The following PDZRN4 variants were observed in gnomAD, a reference collection of about 807,000 sequenced individuals.
PDZRN4 encodes PDZ domain-containing RING finger protein 4.
PDZRN4 carries 70 observed loss-of-function variants against 99.0 expected under a neutral mutation model. That is an observed-to-expected ratio of 0.71 (90% CI 0.58 to 0.86). The LOEUF (loss-of-function observed/expected upper bound fraction) is 0.86, where lower values mean the gene tolerates loss of function less well. Among genes scored for constraint, PDZRN4 ranks in the 40% least tolerant of loss-of-function variants. The pLI, the probability that PDZRN4 is intolerant of heterozygous loss-of-function variation, is 0.00. For synonymous variants in PDZRN4, 551 were observed against 501.6 expected (o/e 1.10, Z -1.32); for missense variants, 1,474 against 1,331.2 (o/e 1.11, Z -1.67).
chr12:41,462,067 T>A (rs764381722), intron 3 of PDZRN4, among the ~76,000 whole-genome samples: 66 of 152,236 alleles, frequency 4.3e-4, no homozygotes, highest in Non-Finnish European at 9.1e-4. Flanking sequence ...CTATGCGATA[T>A]CTATCTCTTC....
chr12:41,431,874 T>C (rs1417849698), intron 3 of PDZRN4, among the ~76,000 whole-genome samples: 4 of 152,220 alleles, frequency 2.6e-5, no homozygotes, highest in Non-Finnish European at 5.9e-5. Context: ...GAAGCATCTT[T>C]CTAAATTCAT....
intron 3 of PDZRN4, among the ~76,000 whole-genome samples, chr12:41,214,290 A>G (rs934480508): frequency 7.5e-5 from 11 of 146,368 alleles, no homozygotes; most frequent in African/African-American, 2.8e-4. Flanking sequence ...TTAACCAGGC[A>G]TGGTGGTACA....
At chr12:41,270,517 A>C (rs1025449766) in intron 3 of PDZRN4, among the ~76,000 whole-genome samples, 1 of 152,158 alleles carries the variant, frequency 6.6e-6, no homozygotes, top group Non-Finnish European at 1.5e-5. Flanking sequence ...TTCTTTAAAA[A>C]AATCATGTTT....
At chr12:41,229,333 C>T (rs919335655) in intron 3 of PDZRN4, among the ~76,000 whole-genome samples, 3 of 151,864 alleles carry the variant, frequency 2.0e-5, no homozygotes, top group Non-Finnish European at 4.4e-5. Flanking sequence ...AAACAGAGTG[C>T]CAGACAGGAT....
At chr12:41,524,231 T>G (rs1251975537) in intron 5 of PDZRN4, among the ~76,000 whole-genome samples, 8 of 152,148 alleles carry the variant, frequency 5.3e-5, no homozygotes, top group Admixed American at 6.6e-5. Flanking sequence ...TGGAAAGACA[T>G]CTCATGTTCC....
intron 3 of PDZRN4, among the ~76,000 whole-genome samples, chr12:41,310,295 G>C (rs1454872581): frequency 6.6e-6 from 1 of 151,930 alleles, no homozygotes; most frequent in African/African-American, 2.4e-5. Flanking sequence ...TATATTTAAA[G>C]TGTTACAAAA....
At chr12:41,507,232 A>G (rs897009807) in intron 4 of PDZRN4, among the ~76,000 whole-genome samples, 8 of 152,148 alleles carry the variant, frequency 5.3e-5, no homozygotes, top group Non-Finnish European at 1.2e-4. Flanking sequence ...AGATATAAAC[A>G]AAGGATCTTG....
At chr12:41,265,678 G>T (rs1028702884) in intron 3 of PDZRN4, among the ~76,000 whole-genome samples, 1 of 152,128 alleles carries the variant, frequency 6.6e-6, no homozygotes, top group African/African-American at 2.4e-5. Flanking sequence ...CTAGACAAAG[G>T]CCATTCACAC....
chr12:41,375,223 C>T (rs1348349238), intron 3 of PDZRN4, among the ~76,000 whole-genome samples: 2 of 152,158 alleles, frequency 1.3e-5, no homozygotes, highest in African/African-American at 2.4e-5. Context: ...TCTCAGACCC[C>T]TTACTCTCAG....
At chr12:41,548,806 T>C (rs1346401825) in intron 5 of PDZRN4, among the ~76,000 whole-genome samples, 1 of 152,202 alleles carries the variant, frequency 6.6e-6, no homozygotes, top group African/African-American at 2.4e-5. Context: ...AATATAAAAA[T>C]TTCACACCGC....
intron 3 of PDZRN4, among the ~76,000 whole-genome samples, chr12:41,316,094 A>G (rs1370867325): frequency 1.3e-5 from 2 of 152,176 alleles, no homozygotes; most frequent in African/African-American, 4.8e-5. Flanking sequence ...TAAAACAGGT[A>G]GAACTGTAAC....
intron 3 of PDZRN4, among the ~76,000 whole-genome samples, chr12:41,364,106 CAAGGAT>C (rs1951981042): frequency 6.6e-6 from 1 of 151,986 alleles, no homozygotes; most frequent in South Asian, 2.1e-4. Context: ...TGCCCTCTGA[CAAGGAT>C]AAGGCATTTG....
intron 3 of PDZRN4, among the ~76,000 whole-genome samples, chr12:41,491,785 C>T (rs1467598047): frequency 1.3e-5 from 2 of 152,092 alleles, no homozygotes; most frequent in Non-Finnish European, 2.9e-5. Flanking sequence ...AATACATTAT[C>T]ATGTATTAAA....
intron 3 of PDZRN4, among the ~76,000 whole-genome samples, chr12:41,229,962 A>G (rs1215274396): frequency 6.6e-6 from 1 of 152,062 alleles, no homozygotes; most frequent in Non-Finnish European, 1.5e-5. Flanking sequence ...AGTTTCCACA[A>G]GCGGCTTTTG....
intron 3 of PDZRN4, among the ~76,000 whole-genome samples, chr12:41,227,746 T>C (rs908990427): frequency 2.0e-5 from 3 of 152,010 alleles, no homozygotes; most frequent in African/African-American, 7.2e-5. Flanking sequence ...ATGAGATATA[T>C]GCTGTTTGGT....
intron 2 of PDZRN4, among the ~76,000 whole-genome samples, chr12:41,192,008 C>T (rs1012488281): frequency 1.3e-5 from 2 of 151,828 alleles, no homozygotes; most frequent in Non-Finnish European, 1.5e-5. Flanking sequence ...GTTTTGAACT[C>T]CTCACCCCAA....
intron 3 of PDZRN4, among the ~76,000 whole-genome samples, chr12:41,401,583 G>T (rs1057292129): frequency 1.3e-5 from 2 of 151,958 alleles, no homozygotes; most frequent in African/African-American, 4.8e-5. Flanking sequence ...CCTTCATAGG[G>T]CTTCTTGAAT....
intron 3 of PDZRN4, among the ~76,000 whole-genome samples, chr12:41,475,611 G>C (rs1377806945): frequency 1.3e-5 from 2 of 152,266 alleles, no homozygotes; most frequent in Non-Finnish European, 1.5e-5. Context: ...ATTATAAATA[G>C]CAAAGTATTT....
chr12:41,307,440 C>G (rs910875448), intron 3 of PDZRN4, among the ~76,000 whole-genome samples: 3 of 152,136 alleles, frequency 2.0e-5, no homozygotes, highest in South Asian at 2.1e-4. Flanking sequence ...AATCCCATCA[C>G]AAGGGCCCTA....
Sources: allele counts gnomAD v4.1 joint callset (sites outside exome capture counted in the v4.1 genomes callset), GRCh38; gene constraint gnomAD v4.1.1; transcripts MANE v1.5; gene names NCBI Gene and HGNC (gene_info 2026-07-23, HGNC 2026-07-21).